EWSR1: variants seen among roughly 807,000 people sequenced by gnomAD.
The protein encoded by EWSR1 is RNA-binding protein EWS.
EWSR1 carries 14 observed loss-of-function variants against 92.1 expected under a neutral mutation model. That is an observed-to-expected ratio of 0.15 (90% CI 0.10 to 0.24). The LOEUF is 0.24. Ranked by LOEUF, EWSR1 falls within the 10% of genes least tolerant of loss-of-function variation. The probability of loss-of-function intolerance (pLI) is 1.00; values close to 1 mark genes in which losing one functional copy is unlikely to be tolerated. For synonymous variants in EWSR1, 303 were observed against 292.9 expected, an observed-to-expected ratio of 1.03 and a Z score of -0.35; for missense variants, 637 against 870.9, an observed-to-expected ratio of 0.73 and a Z score of 3.38.
chr22:29,293,792 A>G (rs2060626999), intron 11 of EWSR1, among the ~76,000 whole-genome samples: 1 of 150,672 alleles, frequency 6.6e-6, no homozygotes, highest in African/African-American at 2.4e-5. Flanking sequence ...CTGGTCTTGA[A>G]CTCCTGACCT....
chr22:29,298,618 T>G, intron 13 of EWSR1, 115 bp from the exon 14 acceptor site: 3 of 1,275,914 alleles, frequency 2.4e-6, no homozygotes. Flanking sequence ...ACGGGACAGG[T>G]GATGGGGAAA....
At chr22:29,280,677 T>G (rs557700279) in intron 5 of EWSR1, among the ~76,000 whole-genome samples, 7 of 150,480 alleles carry the variant, frequency 4.7e-5, no homozygotes, top group Non-Finnish European at 7.4e-5. Flanking sequence ...TTGGTTGGTT[T>G]TTTTTTTTTT....
chr22:29,282,615 GT>G, intron 6 of EWSR1, 58 bp downstream of exon 6: 1 of 1,430,240 alleles, frequency 7.0e-7, no homozygotes. Flanking sequence ...TTTTCAGGTT[GT>G]TGACCAGCTT....
chr22:29,289,056 T>G (rs2060253777), intron 8 of EWSR1: 1 of 395,410 alleles, frequency 2.5e-6, no homozygotes, highest in Admixed American at 4.2e-5. Flanking sequence ...CTTCATGGTT[T>G]CCAGAGGTGA....
intron 3 of EWSR1, 139 bp downstream of exon 3, chr22:29,272,570 A>G: frequency 1.2e-6 from 1 of 842,416 alleles, no homozygotes; most frequent in South Asian, 1.6e-5. Flanking sequence ...AAACTTTCAC[A>G]GTGGGAGTGC....
chr22:29,277,019 C>CA, intron 4 of EWSR1: 1 of 230,886 alleles, frequency 4.3e-6, no homozygotes, highest in Non-Finnish European at 8.6e-6. Flanking sequence ...AGGAAAGGTA[C>CA]TCTAGTTAGG....
intron 16 of EWSR1, 132 bp downstream of exon 16, chr22:29,299,983 AC>A: frequency 1.4e-6 from 2 of 1,425,770 alleles, no homozygotes; most frequent in South Asian, 1.3e-5. Flanking sequence ...AGGAAGGGGC[AC>A]CTGGGGGCTC....
intron 6 of EWSR1, among the ~76,000 whole-genome samples, chr22:29,285,893 A>G (rs1275661682): frequency 2.0e-5 from 3 of 152,002 alleles, no homozygotes; most frequent in African/African-American, 2.4e-5. Flanking sequence ...GCTGGAGTGC[A>G]GTGGCACTAT....
rs981337481 is a variant in EWSR1, at chr22:29,268,307, C to T, written c.-30C>T. 1.9e-6 allele frequency: 3 copies of T among 1,611,646 alleles called. No individual in the cohort carries two copies. The highest frequency in any genetic ancestry group is 1.7e-5 in the Admixed American group (1 of 60,028). ...AGAGGGAAAGCGAGAGGGAGACGGA[C>T]GTTGAGAGAACGAGGAGGAAGGAGA... is the stretch of plus-strand genomic sequence containing the variant. On this transcript the variant is annotated 5_prime_UTR_variant, in exon 1 of 17. In the 5' UTR this introduces an upstream ATG that the reference lacks. Transcript: ENST00000397938.
chr22:29,291,275 T>C, intron 8 of EWSR1: 1 of 375,138 alleles, frequency 2.7e-6, no homozygotes, highest in East Asian at 3.9e-5. Context: ...GGTGGGTGTT[T>C]GGGATCTATT....
At chr22:29,296,669 A>G (rs752198139) in intron 12 of EWSR1, among the ~76,000 whole-genome samples, 1 of 152,214 alleles carries the variant, frequency 6.6e-6, no homozygotes, top group Non-Finnish European at 1.5e-5. Context: ...ACATTTGCAT[A>G]TAGATAAATA....
intron 11 of EWSR1, 184 bp from the exon 12 acceptor site, chr22:29,296,055 A>G (rs1173066144): frequency 4.8e-6 from 3 of 620,540 alleles, no homozygotes; most frequent in Admixed American, 3.2e-5. Context: ...TTTGGTTTTT[A>G]TGATAAAGCA....
intron 1 of EWSR1, among the ~76,000 whole-genome samples, chr22:29,270,060 CTTT>C: frequency 6.6e-6 from 1 of 152,186 alleles, no homozygotes; most frequent in African/African-American, 2.4e-5. Flanking sequence ...ACCTCTTAAG[CTTT>C]TGAGCCCTTC....
chr22:29,273,705 G>A (rs575814200), intron 3 of EWSR1, 36 bp from the exon 4 acceptor site: 3 of 1,597,284 alleles, frequency 1.9e-6, no homozygotes, highest in Admixed American at 3.5e-5. Flanking sequence ...AAAAGTTCAT[G>A]TATGAAGTTC....
chr22:29,281,408 G>C (rs2147146098), intron 5 of EWSR1, among the ~76,000 whole-genome samples: 1 of 68 alleles, frequency 0.015, no homozygotes. Context: ...TGCCCCAGCA[G>C]TCCCTCCCAC....
chr22:29,286,179 T>C (rs1042555856), intron 6 of EWSR1, among the ~76,000 whole-genome samples: 6 of 151,468 alleles, frequency 4.0e-5, no homozygotes, highest in African/African-American at 1.5e-4. Flanking sequence ...ATCTTCACTC[T>C]GTTCCCGAGT....
At chr22:29,278,909 T>G (rs1487178843) in intron 5 of EWSR1, among the ~76,000 whole-genome samples, 1 of 151,726 alleles carries the variant, frequency 6.6e-6, no homozygotes, top group African/African-American at 2.4e-5. Flanking sequence ...GCAGGAGAAT[T>G]ACTTGAACCT....
intron 3 of EWSR1, among the ~76,000 whole-genome samples, chr22:29,272,811 C>A (rs1311602935): frequency 1.3e-5 from 2 of 152,152 alleles, no homozygotes; most frequent in African/African-American, 4.8e-5. Context: ...AAGTAACTTG[C>A]CAGTGGTTGC....
chr22:29,273,943 A>G (rs1423957990), intron 4 of EWSR1, 79 bp downstream of exon 4: 5 of 1,570,980 alleles, frequency 3.2e-6, no homozygotes, highest in South Asian at 1.2e-5. Flanking sequence ...ATGCTTTCGG[A>G]TGTATATTCT....
Sources: allele counts gnomAD v4.1 joint callset (sites outside exome capture counted in the v4.1 genomes callset), GRCh38; gene constraint gnomAD v4.1.1; transcripts MANE v1.5; gene names NCBI Gene and HGNC (gene_info 2026-07-23, HGNC 2026-07-21).